The following GRID2 variants were observed in gnomAD, a reference collection of about 807,000 sequenced individuals.
GRID2 encodes glutamate ionotropic receptor delta type subunit 2.
A neutral mutation model predicts 114.8 loss-of-function variants in GRID2; 33 were observed. That is an observed-to-expected ratio of 0.29 (90% CI 0.22 to 0.38). The LOEUF is 0.38. Ranked by LOEUF, GRID2 falls within the 10% of genes least tolerant of loss-of-function variation. GRID2 has a pLI of 1.00. For synonymous variants in GRID2, 505 were observed against 449.9 expected, an observed-to-expected ratio of 1.12 and a Z score of -1.55; for missense variants, 1,184 against 1,257.7, an observed-to-expected ratio of 0.94 and a Z score of 0.89.
At chr4:92,928,892 A>C (rs1750022855) in intron 2 of GRID2, among the ~76,000 whole-genome samples, 1 of 151,438 alleles carries the variant, frequency 6.6e-6, no homozygotes, top group African/African-American at 2.4e-5. Context: ...CATCTTTGGC[A>C]ACATATAGCA....
At chr4:93,083,371 A>G (rs886276257) in intron 2 of GRID2, among the ~76,000 whole-genome samples, 2 of 152,118 alleles carry the variant, frequency 1.3e-5, no homozygotes, top group Non-Finnish European at 2.9e-5. Flanking sequence ...TTTTTGCTAA[A>G]ATTAGACCTC....
intron 2 of GRID2, among the ~76,000 whole-genome samples, chr4:92,675,972 T>C (rs1464270124): frequency 6.6e-6 from 1 of 152,174 alleles, no homozygotes; most frequent in Admixed American, 6.5e-5. Context: ...CTACGCTATA[T>C]GTTATTTAAT....
chr4:93,476,245 G>A (rs1046612300), intron 11 of GRID2, among the ~76,000 whole-genome samples: 1 of 152,032 alleles, frequency 6.6e-6, no homozygotes, highest in African/African-American at 2.4e-5. Flanking sequence ...CACCTACAGT[G>A]TAAATCAAGT....
At chr4:92,555,412 A>C (rs972016860) in intron 1 of GRID2, among the ~76,000 whole-genome samples, 6 of 152,180 alleles carry the variant, frequency 3.9e-5, no homozygotes, top group Non-Finnish European at 5.9e-5. Context: ...TAGGAGAAAA[A>C]GAAGCTTAAC....
At chr4:92,368,997 C>T (rs1452417407) in intron 1 of GRID2, among the ~76,000 whole-genome samples, 2 of 150,496 alleles carry the variant, frequency 1.3e-5, no homozygotes, top group African/African-American at 4.9e-5. Context: ...CGTGTGAGAT[C>T]TTAGTCCATC....
intron 2 of GRID2, among the ~76,000 whole-genome samples, chr4:92,627,939 CAG>C (rs1730603542): frequency 1.3e-5 from 2 of 152,104 alleles, no homozygotes; most frequent in Admixed American, 1.3e-4. Context: ...TTACTGAGTG[CAG>C]AGTTAAAAGA....
At chr4:93,142,319 C>T (rs924373416) in intron 4 of GRID2, among the ~76,000 whole-genome samples, 6 of 152,178 alleles carry the variant, frequency 3.9e-5, no homozygotes, top group African/African-American at 1.4e-4. Context: ...AGCTTATAAA[C>T]AACAGAAGTT....
At chr4:92,815,310 A>G (rs1403590044) in intron 2 of GRID2, among the ~76,000 whole-genome samples, 1 of 152,164 alleles carries the variant, frequency 6.6e-6, no homozygotes, top group East Asian at 1.9e-4. Flanking sequence ...ATGTGTGGGC[A>G]TATATGGGTG....
Position 93,441,823 on chromosome 4 carries a change from G to A in GRID2, c.1546-13839G>A, listed in dbSNP as rs561876426. Among the ~76,000 whole-genome samples the A allele has an allele frequency of 5.9e-5, 9 of 151,304 alleles. No homozygotes were observed. In the South Asian group the frequency reaches 8.4e-4, roughly 14 times the overall value. The stretch of plus-strand genomic sequence containing the variant: ...TTTTGTAATTTGGTAATTTTGTAAT[G>A]GCAGGCTTTAAAATAAGTAAAGGTT... On this transcript the variant is annotated intron_variant, in intron 10 of 15. Transcript: ENST00000282020.
rs1750695273 is a variant in GRID2, at chr4:92,936,628, G to A, written c.245-148367G>A. Reference sequence around the variant, plus strand: ...ACTTCAACATCAAATTTGTAGGCCTGTTGTCATTTATAAGGTCTGTTCAAT... The same window carrying A: ...ACTTCAACATCAAATTTGTAGGCCTATTGTCATTTATAAGGTCTGTTCAAT... On this transcript the variant is annotated intron_variant, in intron 2 of 15. Coordinates refer to ENST00000282020, the MANE Select transcript of GRID2 (RefSeq NM_001510.4). Among the ~76,000 whole-genome samples the A allele has an allele frequency of 1.4e-5, 2 of 145,740 alleles. 1 individual carries two copies. Among genetic ancestry groups the A allele is most frequent in the Admixed American group, 1.5e-4 (2 of 13,286 alleles).
At chr4:93,507,409 A>G (rs1218291964) in intron 12 of GRID2, among the ~76,000 whole-genome samples, 1 of 152,214 alleles carries the variant, frequency 6.6e-6, no homozygotes, top group African/African-American at 2.4e-5. Flanking sequence ...CATAGAGCGT[A>G]CATACTCTCC....
chr4:93,407,744 C>G (rs980253629), intron 9 of GRID2, among the ~76,000 whole-genome samples: 2 of 123,862 alleles, frequency 1.6e-5, no homozygotes, highest in Non-Finnish European at 3.3e-5. Flanking sequence ...TCCTCCTCCT[C>G]CTCCTCCTCC....
At chr4:92,641,776 C>CCTGAATCTCTCAATTTTAATGACA (rs1560505703) in intron 2 of GRID2, among the ~76,000 whole-genome samples, 1 of 151,600 alleles carries the variant, frequency 6.6e-6, no homozygotes, top group Admixed American at 6.6e-5. Context: ...CTTTACGATG[C>CCTGAATCTCTCAATTTTAATGACA]ATGCCCCCTC....
At chr4:92,364,996 G>T (rs776952866) in intron 1 of GRID2, among the ~76,000 whole-genome samples, 6 of 152,006 alleles carry the variant, frequency 3.9e-5, no homozygotes, top group African/African-American at 4.8e-5. Context: ...CAAAAAATAA[G>T]CAGCATAAAT....
intron 8 of GRID2, among the ~76,000 whole-genome samples, chr4:93,321,174 C>A (rs1031723934): frequency 6.6e-6 from 1 of 152,024 alleles, no homozygotes; most frequent in African/African-American, 2.4e-5. Context: ...CATCGTCACA[C>A]GGAATTCTTG....
chr4:93,713,694 A>C, intron 14 of GRID2, among the ~76,000 whole-genome samples: 1 of 152,152 alleles, frequency 6.6e-6, no homozygotes, highest in East Asian at 1.9e-4. Context: ...GGAAAAGAAT[A>C]AATAAACCCT....
At chr4:92,717,434 A>C (rs1735603831) in intron 2 of GRID2, among the ~76,000 whole-genome samples, 1 of 152,220 alleles carries the variant, frequency 6.6e-6, no homozygotes, top group Non-Finnish European at 1.5e-5. Context: ...AGAGTACAAC[A>C]GGCTGACAGG....
At chr4:92,853,692 A>G (rs1459168023) in intron 2 of GRID2, among the ~76,000 whole-genome samples, 2 of 152,046 alleles carry the variant, frequency 1.3e-5, no homozygotes, top group Non-Finnish European at 2.9e-5. Context: ...ACCTGTCAAT[A>G]GTGGCTTAAA....
At chr4:93,272,040 G>A (rs1005054787) in intron 8 of GRID2, among the ~76,000 whole-genome samples, 1 of 152,106 alleles carries the variant, frequency 6.6e-6, no homozygotes, top group East Asian at 1.9e-4. Flanking sequence ...TTTAAGTTAG[G>A]ACCAGAATCC....
Sources: allele counts gnomAD v4.1 joint callset (sites outside exome capture counted in the v4.1 genomes callset), GRCh38; gene constraint gnomAD v4.1.1; transcripts MANE v1.5; gene names NCBI Gene and HGNC (gene_info 2026-07-23, HGNC 2026-07-21).